Variants in ANKRD42 observed in about 807,000 individuals in gnomAD.
The protein encoded by ANKRD42 is ankyrin repeat domain 42.
ANKRD42 carries 43 observed loss-of-function variants against 51.5 expected under a neutral mutation model. The observed-to-expected ratio is 0.83, with a 90% CI of 0.65 to 1.08. The LOEUF (loss-of-function observed/expected upper bound fraction) is 1.08, where lower values mean the gene tolerates loss of function less well. Ranked by LOEUF, ANKRD42 falls within the 50% of genes least tolerant of loss-of-function variation. The pLI is 0.00. For missense variants in ANKRD42, 608 were observed against 629.3 expected (o/e 0.97, Z 0.36); for synonymous variants, 203 against 213.0 (o/e 0.95, Z 0.41).
chr11:83,211,924 T>G (rs1220936493), intron 5 of ANKRD42, among the ~76,000 whole-genome samples: 1 of 152,142 alleles, frequency 6.6e-6, no homozygotes, highest in East Asian at 1.9e-4. Context: ...TACCTTTCAT[T>G]TGATTGATTT....
At chr11:83,244,985 G>A (rs558762) in intron 9 of ANKRD42, among the ~76,000 whole-genome samples, 108,143 of 151,812 alleles carry the variant, frequency 0.71, 39,284 homozygotes, top group African/African-American at 0.84. Flanking sequence ...GCTCACTGCA[G>A]TCTCTGCCTC....
At chr11:83,201,736 C>T (rs887106369) in intron 2 of ANKRD42, among the ~76,000 whole-genome samples, 4 of 152,162 alleles carry the variant, frequency 2.6e-5, no homozygotes, top group Non-Finnish European at 4.4e-5. Context: ...TTTTGACTTG[C>T]GTTTCTCTAA....
intron 5 of ANKRD42, among the ~76,000 whole-genome samples, chr11:83,216,771 G>A (rs1333980551): frequency 2.0e-5 from 3 of 152,164 alleles, no homozygotes; most frequent in Admixed American, 1.3e-4. Flanking sequence ...ATCCAGGACC[G>A]AAGTAAGTTC....
In ANKRD42 at chr11:83,242,567, G is replaced by GTTTTTTTTTTTTTTTT. The variant is rs539259244; in HGVS notation, c.1195+1636_1195+1651dup. On this transcript the variant is annotated intron_variant, in intron 9 of 10. Coordinates refer to ENST00000533342, the MANE Select transcript of ANKRD42 (RefSeq NM_001300975.2). ...GGGGAATTCGGTGAATGGTAGTTAA[G>GTTTTTTTTTTTTTTTT]TTTTTTTTTTTTTTTTTTAGATGGA... is the stretch of plus-strand genomic sequence containing the variant. Among the ~76,000 whole-genome samples, 95 of 115,532 alleles carry GTTTTTTTTTTTTTTTT rather than the reference G, an allele frequency of 8.2e-4. 4 individuals carry two copies. The South Asian group carries it at 0.012, about 15-fold the overall frequency. The allele number at this position is 115,532 out of a possible 152,430, so 75.8% of individuals were successfully genotyped here.
intron 7 of ANKRD42, among the ~76,000 whole-genome samples, chr11:83,232,561 C>T (rs1186051991): frequency 2.6e-5 from 4 of 152,064 alleles, no homozygotes. Context: ...TGACTTCTTC[C>T]ATTCCAATTT....
intron 5 of ANKRD42, among the ~76,000 whole-genome samples, chr11:83,220,049 G>A (rs752032747): frequency 6.6e-6 from 1 of 152,256 alleles, no homozygotes; most frequent in Non-Finnish European, 1.5e-5. Context: ...GGAGGCAGGA[G>A]TCAGAAGATG....
chr11:83,205,596 T>G (rs1387397338), intron 2 of ANKRD42, among the ~76,000 whole-genome samples: 1 of 152,178 alleles, frequency 6.6e-6, no homozygotes, highest in Non-Finnish European at 1.5e-5. Context: ...AATAAACCAT[T>G]TATTTTTTAG....
intron 3 of ANKRD42, chr11:83,209,589 C>T (rs1250760371): frequency 3.3e-6 from 3 of 902,928 alleles, no homozygotes; most frequent in Non-Finnish European, 5.6e-6. Context: ...GAACCAGAAC[C>T]TCACATATTG....
At position 83,194,706 on chromosome 11, in the gene ANKRD42, C is replaced by T. The variant is rs772018613; in HGVS notation, c.36C>T (p.Ser12=). ...PGVANSGPST[S]SRETANPCSR... is the part of the protein sequence containing the mutation. ...TGGCCAATTCAGGCCCCTCCACTTC[C>T]TCTAGGGAGACTGCAAACCCCTGTG... The change falls in exon 1 of 11, where the codon TCC becomes TCT. Residue 12 remains serine (S), a synonymous_variant. Coordinates refer to ENST00000533342, the MANE Select transcript of ANKRD42 (RefSeq NM_001300975.2). 1.2e-6 allele frequency: 2 copies of T among 1,606,532 alleles called. No individual in the cohort carries two copies. The highest frequency in any genetic ancestry group is 2.7e-5 in the African/African-American group (2 of 74,550).
At chr11:83,205,295 T>C (rs1052825358) in intron 2 of ANKRD42, among the ~76,000 whole-genome samples, 1 of 152,222 alleles carries the variant, frequency 6.6e-6, no homozygotes, top group Non-Finnish European at 1.5e-5. Context: ...ATGATTATTA[T>C]TGAGATTGAG....
At chr11:83,246,526 T>C (rs1231199193) in intron 10 of ANKRD42, among the ~76,000 whole-genome samples, 1 of 152,208 alleles carries the variant, frequency 6.6e-6, no homozygotes, top group Non-Finnish European at 1.5e-5. Context: ...CTTGTCTGTC[T>C]ATCTGCTTTC....
chr11:83,248,418 ATTG>A lies in ANKRD42; in HGVS notation c.*217_*219del. On this transcript the variant is annotated 3_prime_UTR_variant, in exon 11 of 11. Coordinates refer to ENST00000533342, the MANE Select transcript of ANKRD42 (RefSeq NM_001300975.2). ...AACAGCAGCCTAGTTCATAAGTATT[ATTG>A]TTAACATTGTACCATAGAAGGAGAA... 2 of 1,245,790 alleles carry A rather than the reference ATTG, an allele frequency of 1.6e-6. No homozygotes were observed. The highest frequency in any genetic ancestry group is 1.0e-6 in the Non-Finnish European group (1 of 997,888). 77.2% of individuals were successfully genotyped at this position (1,245,790 alleles called of 1,614,324 possible).
chr11:83,240,629 TTTGGCTCC>T (rs1168596572), intron 8 of ANKRD42, 122 bp from the exon 9 acceptor site: 21 of 904,666 alleles, frequency 2.3e-5, no homozygotes, highest in Admixed American at 5.9e-5. Context: ...ACCTTCAGAT[TTTGGCTCC>T]TTGGCTGGTG....
chr11:83,242,512 G>A (rs538500613), intron 9 of ANKRD42, among the ~76,000 whole-genome samples: 5 of 151,852 alleles, frequency 3.3e-5, no homozygotes, highest in African/African-American at 9.7e-5. Context: ...TAGAAAAAGA[G>A]GGTAATCAAG....
At chr11:83,259,127 T>G (rs1863826845), downstream of ANKRD42, 1 of 152,242 alleles carries the variant, frequency 6.6e-6, no homozygotes, top group African/African-American at 2.4e-5. Flanking sequence ...CACAGGCGTT[T>G]AACAAGTACC....
At chr11:83,257,703 C>G (rs1226246913), downstream of ANKRD42, among the ~76,000 whole-genome samples, 5 of 152,230 alleles carry the variant, frequency 3.3e-5, no homozygotes, top group Non-Finnish European at 5.9e-5. Context: ...CTTTTCCCCT[C>G]TAACTTGATG....
At chr11:83,262,246 C>A (rs1362469646), downstream of ANKRD42, among the ~76,000 whole-genome samples, 1 of 149,850 alleles carries the variant, frequency 6.7e-6, no homozygotes, top group Non-Finnish European at 1.5e-5. Context: ...GCATTATTGA[C>A]TACTTTAAAT....
At chr11:83,245,085 G>A (rs1399768165) in intron 9 of ANKRD42, among the ~76,000 whole-genome samples, 1 of 152,126 alleles carries the variant, frequency 6.6e-6, no homozygotes, top group East Asian at 1.9e-4. Context: ...TGTATTTTTA[G>A]TAGAGACGGG....
intron 8 of ANKRD42, 35 bp downstream of exon 8, chr11:83,236,544 C>A (rs1460520904): frequency 4.6e-6 from 7 of 1,527,098 alleles, no homozygotes; most frequent in Non-Finnish European, 6.2e-6. Flanking sequence ...CCTTTCTTTT[C>A]TCTTTAAAGT....
Sources: allele counts gnomAD v4.1 joint callset (sites outside exome capture counted in the v4.1 genomes callset), GRCh38; gene constraint gnomAD v4.1.1; transcripts MANE v1.5; gene names NCBI Gene and HGNC (gene_info 2026-07-23, HGNC 2026-07-21).